AGBL4: variants seen among roughly 807,000 people sequenced by gnomAD.
The protein encoded by AGBL4 is cytosolic carboxypeptidase 6.
Under a neutral mutation model 66.4 loss-of-function variants are expected in AGBL4, and 58 were observed. That is an observed-to-expected ratio of 0.87 (90% CI 0.71 to 1.09). The LOEUF (loss-of-function observed/expected upper bound fraction) is 1.09. Ranked by LOEUF, AGBL4 falls within the 50% of genes least tolerant of loss-of-function variation. The pLI is 0.00. For synonymous variants in AGBL4, 234 were observed against 222.9 expected, an observed-to-expected ratio of 1.05 and a Z score of -0.44; for missense variants, 579 against 631.0, an observed-to-expected ratio of 0.92 and a Z score of 0.88.
chr1:48,809,833 T>A (rs1316235576), intron 6 of AGBL4, among the ~76,000 whole-genome samples: 1 of 152,206 alleles, frequency 6.6e-6, no homozygotes, highest in Non-Finnish European at 1.5e-5. Context: ...TGTTGGCAAG[T>A]AAGTCCCCTT....
chr1:49,570,212 T>A (rs1644299245), intron 3 of AGBL4, among the ~76,000 whole-genome samples: 1 of 152,128 alleles, frequency 6.6e-6, no homozygotes, highest in Non-Finnish European at 1.5e-5. Context: ...TGAATAAGTA[T>A]TCCATTTTCT....
intron 6 of AGBL4, among the ~76,000 whole-genome samples, chr1:48,688,174 G>C (rs1439038376): frequency 6.6e-6 from 1 of 152,128 alleles, no homozygotes; most frequent in Non-Finnish European, 1.5e-5. Context: ...GCAGGAAGGA[G>C]ACATTTATGC....
intron 2 of AGBL4, among the ~76,000 whole-genome samples, chr1:49,786,862 C>A (rs1036095298): frequency 6.6e-6 from 1 of 152,174 alleles, no homozygotes. Flanking sequence ...TCACTCAGTG[C>A]ACTTTCTACT....
Position 48,533,004 on chromosome 1 carries a change from GA to G in AGBL4, c.*1168del, listed in dbSNP as rs1210943771. 4 of 151,980 alleles carry G rather than the reference GA, an allele frequency of 2.6e-5. No homozygotes were observed. Among genetic ancestry groups the G allele is most frequent in the African/African-American group, 9.7e-5 (4 of 41,234 alleles). The allele number at this position is 151,980 out of a possible 1,614,324, so 9.4% of individuals were successfully genotyped here. ...GCAAAGGAGAACAAGTTTTCTTTTTGATTTTTGTAGCAAACTTCAATAATCT... is the reference window on the plus strand; with the variant it reads ...GCAAAGGAGAACAAGTTTTCTTTTTGTTTTTGTAGCAAACTTCAATAATCT... On this transcript the variant is annotated 3_prime_UTR_variant, in exon 14 of 14. Transcript: ENST00000371839.
At chr1:49,307,860 ATGTT>A (rs1644875425) in intron 3 of AGBL4, among the ~76,000 whole-genome samples, 1 of 152,186 alleles carries the variant, frequency 6.6e-6, no homozygotes, top group South Asian at 2.1e-4. Context: ...AAATTACTTT[ATGTT>A]TAATTCAATT....
intron 3 of AGBL4, among the ~76,000 whole-genome samples, chr1:49,427,617 G>A (rs1030395977): frequency 5.3e-5 from 8 of 152,146 alleles, no homozygotes; most frequent in South Asian, 2.1e-4. Flanking sequence ...CGGTGGGTTC[G>A]TGGTCTCAGT....
Position 49,788,147 on chromosome 1 carries a change from G to C in AGBL4, c.157+63249C>G, listed in dbSNP as rs537522021. On this transcript the variant is annotated intron_variant, in intron 2 of 13. Transcript: ENST00000371839. Reference sequence around the variant, plus strand: ...TCACACACAAAGGACTTTTCTTGGGGATATGCAAACTTTGAGAAACTCATA... The same window carrying C: ...TCACACACAAAGGACTTTTCTTGGGCATATGCAAACTTTGAGAAACTCATA... Among the ~76,000 whole-genome samples, 7 of 152,284 alleles carry C rather than the reference G, an allele frequency of 4.6e-5. No homozygotes were observed. In the East Asian group the frequency reaches 1.4e-3, roughly 29 times the overall value.
At chr1:48,696,672 A>G (rs1370907442) in intron 6 of AGBL4, among the ~76,000 whole-genome samples, 1 of 152,146 alleles carries the variant, frequency 6.6e-6, no homozygotes. Flanking sequence ...AGGAGATGCA[A>G]ATATTTCCAG....
intron 3 of AGBL4, among the ~76,000 whole-genome samples, chr1:49,387,191 T>C (rs1013876491): frequency 6.6e-5 from 10 of 152,052 alleles, no homozygotes; most frequent in African/African-American, 2.4e-4. Flanking sequence ...GAGGGTTAAG[T>C]AGAAGAATCT....
At chr1:49,229,343 A>G (rs1455368948) in intron 4 of AGBL4, among the ~76,000 whole-genome samples, 1 of 152,202 alleles carries the variant, frequency 6.6e-6, no homozygotes, top group Non-Finnish European at 1.5e-5. Context: ...TAAACACAGA[A>G]AAGACGTAAG....
At chr1:48,920,146 C>T (rs1251089384) in intron 5 of AGBL4, among the ~76,000 whole-genome samples, 1 of 152,100 alleles carries the variant, frequency 6.6e-6, no homozygotes, top group Non-Finnish European at 1.5e-5. Flanking sequence ...ATAAAGATTG[C>T]CTGTAGACTT....
At chr1:48,922,668 GA>G (rs1372541424) in intron 5 of AGBL4, among the ~76,000 whole-genome samples, 2 of 152,148 alleles carry the variant, frequency 1.3e-5, no homozygotes, top group Non-Finnish European at 2.9e-5. Context: ...GGTGATACTT[GA>G]ATAGCTATAA....
rs2148830344 is a variant in AGBL4, at chr1:48,872,360, T to A, written c.595-5130A>T. Among the ~76,000 whole-genome samples, 4 of 152,326 alleles carry A rather than the reference T, an allele frequency of 2.6e-5. No individual in the cohort carries two copies. In the South Asian group the frequency reaches 8.3e-4, roughly 32 times the overall value. Reference sequence around the variant, plus strand: ...ATCTTTGTTTTGAAGTAGGAGAGTGTAAGTCACATATATTTATGGTCATAG... The same window carrying A: ...ATCTTTGTTTTGAAGTAGGAGAGTGAAAGTCACATATATTTATGGTCATAG... On this transcript the variant is annotated intron_variant, in intron 5 of 13. Coordinates refer to ENST00000371839, the MANE Select transcript of AGBL4 (RefSeq NM_032785.4).
chr1:48,936,301 TGTAAA>T (rs1385276292), intron 5 of AGBL4, among the ~76,000 whole-genome samples: 4 of 152,096 alleles, frequency 2.6e-5, no homozygotes, highest in African/African-American at 9.7e-5. Context: ...CTTCTGTTTT[TGTAAA>T]GTAAAGAGCA....
chr1:49,569,386 C>T (rs148798987), intron 3 of AGBL4, among the ~76,000 whole-genome samples: 6 of 152,150 alleles, frequency 3.9e-5, no homozygotes, highest in African/African-American at 1.4e-4. Context: ...TTGTTTGTGA[C>T]TCAAAGGATA....
intron 1 of AGBL4, among the ~76,000 whole-genome samples, chr1:49,923,149 A>C (rs1652432558): frequency 6.6e-6 from 1 of 152,092 alleles, no homozygotes. Context: ...AATAGAAACC[A>C]AGAAATAAGA....
chr1:49,654,976 T>C (rs1233273842), intron 3 of AGBL4, among the ~76,000 whole-genome samples: 1 of 152,210 alleles, frequency 6.6e-6, no homozygotes, highest in Non-Finnish European at 1.5e-5. Context: ...TGATGTTAGC[T>C]GGTTATTTTG....
intron 1 of AGBL4, among the ~76,000 whole-genome samples, chr1:49,892,152 A>G (rs1399850076): frequency 6.6e-6 from 1 of 152,208 alleles, no homozygotes; most frequent in East Asian, 1.9e-4. Flanking sequence ...ACCAACAAAT[A>G]GTATCTTCTC....
At chr1:49,801,389 G>A (rs980748050) in intron 2 of AGBL4, among the ~76,000 whole-genome samples, 3 of 152,122 alleles carry the variant, frequency 2.0e-5, no homozygotes, top group Admixed American at 6.6e-5. Flanking sequence ...ACTTGACAAC[G>A]CTTTAAACAG....
Sources: gnomAD v4.1 joint callset for allele counts (sites outside exome capture counted in the v4.1 genomes callset) on GRCh38, gnomAD v4.1.1 for gene constraint, MANE v1.5 for transcripts, NCBI Gene and HGNC (gene_info 2026-07-23, HGNC 2026-07-21) for gene names.